WWOX: variants seen among roughly 807,000 people sequenced by gnomAD.
The protein encoded by WWOX is WW domain containing oxidoreductase, also known as WW domain-containing oxidoreductase.
Under a neutral mutation model 46.2 loss-of-function variants are expected in WWOX, and 69 were observed. That is an observed-to-expected ratio of 1.49 (90% confidence interval 1.23 to 1.82). WWOX has a LOEUF of 1.82. Among genes scored for constraint, WWOX ranks in the 40% most tolerant of loss-of-function variants. The pLI, the probability that WWOX is intolerant of heterozygous loss-of-function variation, is 0.00. For synonymous variants in WWOX, 359 were observed against 202.6 expected (o/e 1.77, Z -6.56); for missense variants, 919 against 542.6 (o/e 1.69, Z -6.89).
At chr16:79,088,012 A>C (rs980684078) in intron 8 of WWOX, among the ~76,000 whole-genome samples, 2 of 152,092 alleles carry the variant, frequency 1.3e-5, no homozygotes, top group African/African-American at 4.8e-5. Flanking sequence ...TCTTCTGCTT[A>C]TTCATCACTT....
At chr16:78,594,440 C>CCCG (rs2045432395) in intron 8 of WWOX, among the ~76,000 whole-genome samples, 1 of 79,974 alleles carries the variant, frequency 1.3e-5, no homozygotes, top group African/African-American at 5.0e-5. Flanking sequence ...CCCCCCCCCC[C>CCCG]CCCCCGCCAA....
intron 8 of WWOX, among the ~76,000 whole-genome samples, chr16:78,688,532 C>T (rs1296232880): frequency 6.6e-6 from 1 of 152,142 alleles, no homozygotes; most frequent in Non-Finnish European, 1.5e-5. Context: ...CACCCCAGGA[C>T]AGGTGCCCTC....
At chr16:78,897,261 A>AAAC (rs1295732806) in intron 8 of WWOX, 6 of 149,020 alleles carry the variant, frequency 4.0e-5, no homozygotes, top group Non-Finnish European at 7.4e-5. Flanking sequence ...AAAAAAAAAA[A>AAAC]AAAAACCAAA....
At chr16:78,836,225 A>G (rs2051980638) in intron 8 of WWOX, among the ~76,000 whole-genome samples, 3 of 152,024 alleles carry the variant, frequency 2.0e-5, no homozygotes, top group Non-Finnish European at 4.4e-5. Context: ...ACAGACTAAT[A>G]GCACACTGAG....
chr16:79,178,266 G>A (rs1306431758), intron 8 of WWOX, among the ~76,000 whole-genome samples: 1 of 152,134 alleles, frequency 6.6e-6, no homozygotes, highest in East Asian at 1.9e-4. Context: ...AAAAAACAGT[G>A]GGCAGGATTT....
chr16:79,127,938 A>C (rs1306681073), intron 8 of WWOX, among the ~76,000 whole-genome samples: 1 of 152,238 alleles, frequency 6.6e-6, no homozygotes, highest in African/African-American at 2.4e-5. Context: ...AACTTGCAGT[A>C]GTCCACATGA....
intron 8 of WWOX, among the ~76,000 whole-genome samples, chr16:79,075,607 T>G (rs1368959562): frequency 1.3e-5 from 2 of 151,840 alleles, no homozygotes; most frequent in African/African-American, 2.4e-5. Flanking sequence ...GGCTGGAGTT[T>G]AGTGGCATGA....
chr16:78,945,496 C>T (rs1179953134), intron 8 of WWOX, among the ~76,000 whole-genome samples: 1 of 152,142 alleles, frequency 6.6e-6, no homozygotes, highest in East Asian at 1.9e-4. Context: ...TTGTTTTGAC[C>T]AATTTTTGTA....
At chr16:78,485,646 C>G (rs543472394) in intron 8 of WWOX, among the ~76,000 whole-genome samples, 1 of 152,170 alleles carries the variant, frequency 6.6e-6, no homozygotes, top group Non-Finnish European at 1.5e-5. Flanking sequence ...CACTGCCCGC[C>G]GCGTGAAGGA....
At chr16:78,194,799 C>G (rs957168461) in intron 5 of WWOX, among the ~76,000 whole-genome samples, 1 of 152,088 alleles carries the variant, frequency 6.6e-6, no homozygotes, top group Non-Finnish European at 1.5e-5. Flanking sequence ...CCTCTTAACT[C>G]CCGATCCTTT....
At chr16:78,224,664 G>C (rs1054957007) in intron 5 of WWOX, among the ~76,000 whole-genome samples, 4 of 152,154 alleles carry the variant, frequency 2.6e-5, no homozygotes, top group African/African-American at 9.7e-5. Flanking sequence ...TGATTCCTTG[G>C]TGCGCTTGGA....
intron 8 of WWOX, among the ~76,000 whole-genome samples, chr16:78,672,751 G>C (rs2047497494): frequency 6.6e-6 from 1 of 152,224 alleles, no homozygotes; most frequent in Admixed American, 6.5e-5. Context: ...CCCCATTTTA[G>C]GGTCTGGCAT....
At chr16:78,547,894 G>C (rs1162281956) in intron 8 of WWOX, among the ~76,000 whole-genome samples, 1 of 152,116 alleles carries the variant, frequency 6.6e-6, no homozygotes, top group Non-Finnish European at 1.5e-5. Flanking sequence ...GCTCACACCT[G>C]TAATCCCAGC....
intron 8 of WWOX, among the ~76,000 whole-genome samples, chr16:78,632,898 C>T (rs2046470358): frequency 1.3e-5 from 2 of 151,950 alleles, no homozygotes; most frequent in Non-Finnish European, 2.9e-5. Flanking sequence ...TCCACCCCTG[C>T]TACGTGTAAT....
chr16:78,902,145 A>G (rs2044845952), intron 8 of WWOX, among the ~76,000 whole-genome samples: 1 of 152,194 alleles, frequency 6.6e-6, no homozygotes, highest in African/African-American at 2.4e-5. Flanking sequence ...GAAGCAAGGG[A>G]AACATTTTTC....
intron 8 of WWOX, among the ~76,000 whole-genome samples, chr16:78,710,061 G>A (rs759957838): frequency 6.6e-6 from 1 of 152,042 alleles, no homozygotes; most frequent in East Asian, 1.9e-4. Context: ...GCCTGGGCCA[G>A]GAGCAGTTGT....
At chr16:78,345,639 C>CAAAAAAAAA (rs1193432164) in intron 5 of WWOX, among the ~76,000 whole-genome samples, 1 of 25,016 alleles carries the variant, frequency 4.0e-5, no homozygotes, top group Non-Finnish European at 9.6e-5. Context: ...GACCCTGTCT[C>CAAAAAAAAA]AAAAAAAAAA....
At chr16:79,191,407 C>G (rs2051134198) in intron 8 of WWOX, among the ~76,000 whole-genome samples, 1 of 152,098 alleles carries the variant, frequency 6.6e-6, no homozygotes, top group African/African-American at 2.4e-5. Context: ...AAGTGGACAT[C>G]AGGACATGGA....
chr16:78,782,784 A>G (rs1358835608), intron 8 of WWOX, among the ~76,000 whole-genome samples: 1 of 151,572 alleles, frequency 6.6e-6, no homozygotes, highest in East Asian at 1.9e-4. Context: ...TTTTATAAAT[A>G]TGTGATGCAA....
Sources: gnomAD v4.1 joint callset for allele counts (sites outside exome capture counted in the v4.1 genomes callset) on GRCh38, gnomAD v4.1.1 for gene constraint, MANE v1.5 for transcripts, NCBI Gene and HGNC (gene_info 2026-07-23, HGNC 2026-07-21) for gene names.